The following WWOX variants were observed in gnomAD, a reference collection of about 807,000 sequenced individuals.
WWOX encodes the protein WW domain-containing oxidoreductase.
A neutral mutation model predicts 46.2 loss-of-function variants in WWOX; 69 were observed. The ratio of observed to expected loss-of-function variants is 1.49; its 90% CI spans 1.23 to 1.82. The LOEUF is 1.82. Ranked by LOEUF, WWOX falls within the 40% of genes most tolerant of loss-of-function variation. The pLI is 0.00. For synonymous variants in WWOX, 359 were observed against 202.6 expected, an observed-to-expected ratio of 1.77 and a Z score of -6.56; for missense variants, 919 against 542.6, an observed-to-expected ratio of 1.69 and a Z score of -6.89.
chr16:78,736,043 G>C (rs1216297907), intron 8 of WWOX, among the ~76,000 whole-genome samples: 1 of 152,190 alleles, frequency 6.6e-6, no homozygotes, highest in African/African-American at 2.4e-5. Flanking sequence ...GTGCAGACTA[G>C]AGATGAAGAC....
intron 8 of WWOX, among the ~76,000 whole-genome samples, chr16:78,837,964 C>G (rs960315932): frequency 2.0e-5 from 3 of 152,154 alleles, no homozygotes; most frequent in South Asian, 2.1e-4. Context: ...AGTAAATTTA[C>G]TTTGTGTTGT....
At chr16:78,100,765 CTG>C (rs1180192404) in intron 1 of WWOX, among the ~76,000 whole-genome samples, 1 of 152,218 alleles carries the variant, frequency 6.6e-6, no homozygotes, top group South Asian at 2.1e-4. Context: ...TAGGTACTCT[CTG>C]TTCCTTAACT....
At chr16:78,879,845 C>G (rs770633077) in intron 8 of WWOX, among the ~76,000 whole-genome samples, 62 of 150,654 alleles carry the variant, frequency 4.1e-4, no homozygotes, top group Admixed American at 7.3e-4. Context: ...TCATTGTACT[C>G]CAGCCTGGGC....
Position 78,364,467 on chromosome 16 carries a change from G to A in WWOX, c.517-22393G>A, listed in dbSNP as rs200869388. On this transcript the variant is annotated intron_variant, in intron 5 of 8. Transcript: ENST00000566780. ...GCTTTTCCAGGAGGGCAGGGTGCCC[G>A]GAATATCTGATCTTACAGTTATTAC... Among the ~76,000 whole-genome samples the A allele has an allele frequency of 6.5e-3, 547 of 83,602 alleles. 1 individual carries two copies. Among genetic ancestry groups the A allele is most frequent in the Non-Finnish European group, 0.015 (405 of 26,212 alleles). The allele number at this position is 83,602 out of a possible 152,430, so 54.8% of individuals were successfully genotyped here. A position where few individuals can be genotyped will look rare whatever the true frequency, so the allele number is the denominator to read the frequency against.
rs2034580272 is a variant in WWOX at position 78,155,878 on chromosome 16, G to C, written c.410-8305G>C. 2.0e-5 allele frequency among the ~76,000 whole-genome samples: 3 copies of C among 152,138 alleles called. No individual in the cohort carries two copies. In the South Asian group the frequency reaches 6.2e-4, roughly 32 times the overall value. On this transcript the variant is annotated intron_variant, in intron 4 of 8. Transcript: ENST00000566780. ...GGTTTTATCCAGGACTTTAACAGTA[G>C]GTAGCATTATTAAGCTTTTTTTATA...
In WWOX at chr16:78,343,208, C is replaced by T. The variant is rs1236119030; in HGVS notation, c.517-43652C>T. On this transcript the variant is annotated intron_variant, in intron 5 of 8. Coordinates refer to ENST00000566780, the MANE Select transcript of WWOX (RefSeq NM_016373.4). ...CTCTGTGGGCTCTCAGCAGTGTCCC[C>T]GATGTGGAGGGTCTTCTTATTCTGT... Among the ~76,000 whole-genome samples the T allele has an allele frequency of 8.3e-5, 10 of 119,828 alleles. 4 individuals carry two copies. The highest frequency in any genetic ancestry group is 1.1e-4 in the African/African-American group (4 of 35,222). The allele number at this position is 119,828 out of a possible 152,430, so 78.6% of individuals were successfully genotyped here. A position where few individuals can be genotyped will look rare whatever the true frequency, so the allele number is the denominator to read the frequency against.
At chr16:78,329,535 C>T (rs1388038137) in intron 5 of WWOX, among the ~76,000 whole-genome samples, 2 of 152,142 alleles carry the variant, frequency 1.3e-5, no homozygotes, top group African/African-American at 4.8e-5. Context: ...GTGACTGTGG[C>T]CTATGAGGCC....
At chr16:79,133,466 G>T (rs183959838) in intron 8 of WWOX, among the ~76,000 whole-genome samples, 6 of 152,152 alleles carry the variant, frequency 3.9e-5, no homozygotes, top group African/African-American at 7.2e-5. Context: ...GAACGAGTAC[G>T]GTCTCTAACA....
At chr16:78,326,575 C>T (rs2080624416) in intron 5 of WWOX, among the ~76,000 whole-genome samples, 1 of 47,574 alleles carries the variant, frequency 2.1e-5, no homozygotes, top group Non-Finnish European at 3.8e-5. Context: ...TGCCCTCCCC[C>T]CGCCCCCCCC....
At chr16:78,599,603 G>A (rs1391770151) in intron 8 of WWOX, among the ~76,000 whole-genome samples, 6 of 152,204 alleles carry the variant, frequency 3.9e-5, no homozygotes, top group African/African-American at 1.4e-4. Context: ...ACAGTTTGGG[G>A]AGAAATGCAG....
intron 5 of WWOX, among the ~76,000 whole-genome samples, chr16:78,318,869 G>T (rs943234283): frequency 6.6e-6 from 1 of 152,118 alleles, no homozygotes; most frequent in Non-Finnish European, 1.5e-5. Flanking sequence ...ACATGCCTGG[G>T]TACAATGTGA....
intron 8 of WWOX, among the ~76,000 whole-genome samples, chr16:79,090,280 CGTGTGTGTGTGTGTGTGTGTGTGTGTGT>C (rs61538157): frequency 7.2e-6 from 1 of 138,284 alleles, no homozygotes; most frequent in African/African-American, 2.7e-5. Context: ...CTACTGTGTG[CGTGTGTGTGTGTGTGTGTGTGTGTGTGT>C]GTGTGTGTGT....
chr16:78,764,720 A>G (rs906229872), intron 8 of WWOX, among the ~76,000 whole-genome samples: 22 of 150,522 alleles, frequency 1.5e-4, no homozygotes, highest in African/African-American at 5.4e-4. Flanking sequence ...CAATTCTAGT[A>G]CCTCCTTCCT....
chr16:78,684,698 A>C (rs16948307), intron 8 of WWOX, among the ~76,000 whole-genome samples: 33,588 of 152,026 alleles, frequency 0.22, 6,115 homozygotes, highest in African/African-American at 0.5. Context: ...CTTCCAGGTT[A>C]ATCTTGGTTT....
At chr16:78,270,616 T>C (rs542857160) in intron 5 of WWOX, 1 of 152,342 alleles carries the variant, frequency 6.6e-6, no homozygotes, top group Admixed American at 6.5e-5. Context: ...CTGTATCTGA[T>C]CCTGGGTCTC....
chr16:78,125,410 G>A (rs1290148530), intron 4 of WWOX, among the ~76,000 whole-genome samples: 3 of 152,138 alleles, frequency 2.0e-5, no homozygotes. Context: ...CTCTTTCTAA[G>A]CAGCTCATTC....
intron 8 of WWOX, among the ~76,000 whole-genome samples, chr16:78,752,437 AC>A (rs2142454680): frequency 6.6e-6 from 1 of 152,212 alleles, no homozygotes; most frequent in Non-Finnish European, 1.5e-5. Flanking sequence ...ACAGGCACAC[AC>A]CACCACACCT....
intron 8 of WWOX, among the ~76,000 whole-genome samples, chr16:79,085,835 C>G (rs2048844485): frequency 6.6e-6 from 1 of 152,078 alleles, no homozygotes; most frequent in African/African-American, 2.4e-5. Flanking sequence ...CACTTGAGGC[C>G]AGGAGTTCAA....
At chr16:78,883,034 T>G (rs1414780243) in intron 8 of WWOX, among the ~76,000 whole-genome samples, 1 of 152,108 alleles carries the variant, frequency 6.6e-6, no homozygotes, top group Non-Finnish European at 1.5e-5. Flanking sequence ...AATTGAAGGC[T>G]TGAGGACAGG....
Sources: gnomAD v4.1 joint callset for allele counts (sites outside exome capture counted in the v4.1 genomes callset) on GRCh38, gnomAD v4.1.1 for gene constraint, MANE v1.5 for transcripts, NCBI Gene and HGNC (gene_info 2026-07-23, HGNC 2026-07-21) for gene names.